The following HIPK2 variants were observed in gnomAD, a reference collection of about 807,000 sequenced individuals.
The protein encoded by HIPK2 is homeodomain interacting protein kinase 2.
Under a neutral mutation model 113.7 loss-of-function variants are expected in HIPK2, and 27 were observed. The observed-to-expected ratio is 0.24, with a 90% confidence interval of 0.17 to 0.33. The LOEUF (loss-of-function observed/expected upper bound fraction) is 0.33, where lower values mean the gene tolerates loss of function less well. HIPK2 is among the 10% of genes least tolerant of loss of function. The pLI, the probability that HIPK2 is intolerant of heterozygous loss-of-function variation, is 1.00. For synonymous variants in HIPK2, 631 were observed against 642.2 expected (o/e 0.98, Z 0.26); for missense variants, 1,257 against 1,588.0 (o/e 0.79, Z 3.54).
At chr7:139,728,863 A>G (rs1305556996) in intron 1 of HIPK2, among the ~76,000 whole-genome samples, 1 of 152,202 alleles carries the variant, frequency 6.6e-6, no homozygotes, top group Admixed American at 6.5e-5. Flanking sequence ...TAAAGGACCT[A>G]TAAGTTCATT....
intron 1 of HIPK2, among the ~76,000 whole-genome samples, chr7:139,741,308 GGTTTCATCTTA>G (rs1315819696): frequency 6.6e-6 from 1 of 151,972 alleles, no homozygotes; most frequent in Non-Finnish European, 1.5e-5. Flanking sequence ...GGAGACACTC[GGTTTCATCTTA>G]GAGTCACTGT....
chr7:139,719,911 G>A (rs139744010), intron 1 of HIPK2, among the ~76,000 whole-genome samples: 63 of 152,020 alleles, frequency 4.1e-4, no homozygotes, highest in African/African-American at 1.5e-3. Context: ...CCTATATTTG[G>A]CTACCAGATT....
chr7:139,736,295 A>G (rs1795935596), intron 1 of HIPK2, among the ~76,000 whole-genome samples: 1 of 152,226 alleles, frequency 6.6e-6, no homozygotes, highest in Non-Finnish European at 1.5e-5. Flanking sequence ...TGACAGGAGA[A>G]TGAAGGGAAG....
intron 2 of HIPK2, among the ~76,000 whole-genome samples, chr7:139,673,944 G>A (rs904919320): frequency 7.1e-6 from 1 of 141,176 alleles, no homozygotes; most frequent in East Asian, 2.3e-4. Flanking sequence ...TGCAGACTAC[G>A]CCTGTAGTCC....
chr7:139,738,069 A>C (rs1447619669), intron 1 of HIPK2, among the ~76,000 whole-genome samples: 1 of 152,380 alleles, frequency 6.6e-6, no homozygotes, highest in African/African-American at 2.4e-5. Flanking sequence ...CACAGGCTCA[A>C]TTCAAGACTT....
At chr7:139,737,392 C>T (rs771014914) in intron 1 of HIPK2, among the ~76,000 whole-genome samples, 87 of 152,234 alleles carry the variant, frequency 5.7e-4, no homozygotes, top group Non-Finnish European at 1.0e-3. Flanking sequence ...AGTCAGTGAC[C>T]CAGGAATCTG....
intron 2 of HIPK2, among the ~76,000 whole-genome samples, chr7:139,680,487 C>A (rs1802661627): frequency 6.6e-6 from 1 of 152,174 alleles, no homozygotes; most frequent in Admixed American, 6.5e-5. Flanking sequence ...TGAGGGGATG[C>A]TGTTTTATGA....
intron 2 of HIPK2, among the ~76,000 whole-genome samples, chr7:139,705,435 G>A (rs570608125): frequency 2.6e-5 from 4 of 151,954 alleles, no homozygotes; most frequent in African/African-American, 9.7e-5. Flanking sequence ...GGAGTGCAGT[G>A]GCGCAATCTC....
Position 139,605,917 on chromosome 7 carries a change from C to G in HIPK2, c.2113-1694G>C, listed in dbSNP as rs568878603. 2.6e-5 allele frequency among the ~76,000 whole-genome samples: 4 copies of G among 152,248 alleles called. No homozygotes were observed. In the East Asian group the frequency reaches 5.8e-4, roughly 22 times the overall value. ...CCAAATATTAAATAAATAACAATTT[C>G]GTTTGCAGTAAGGTTTCTACTGACT... On this transcript the variant is annotated intron_variant, in intron 9 of 14. Transcript: ENST00000406875.
Position 139,581,961 on chromosome 7 carries a change from C to T in HIPK2, c.2965+1856G>A, listed in dbSNP as rs566044703. On this transcript the variant is annotated intron_variant, in intron 13 of 14. Coordinates refer to ENST00000406875, the MANE Select transcript of HIPK2 (RefSeq NM_022740.5). ...AAATATTTAAACTTAAAAATGTGTG[C>T]TGCATATACCCTTAAACAATATTTA... Among the ~76,000 whole-genome samples the T allele has an allele frequency of 9.2e-5, 14 of 152,324 alleles. 1 individual carries two copies. The South Asian group carries it at 2.5e-3, about 27-fold the overall frequency.
At chr7:139,660,771 G>T (rs1054163433) in intron 2 of HIPK2, among the ~76,000 whole-genome samples, 1 of 152,216 alleles carries the variant, frequency 6.6e-6, no homozygotes, top group African/African-American at 2.4e-5. Flanking sequence ...AACAAGGAAA[G>T]AATTATTCCA....
At chr7:139,698,614 T>C (rs1288805966) in intron 2 of HIPK2, among the ~76,000 whole-genome samples, 1 of 152,226 alleles carries the variant, frequency 6.6e-6, no homozygotes, top group East Asian at 1.9e-4. Context: ...ATTTTAAACA[T>C]AATTTATGAA....
intron 2 of HIPK2, among the ~76,000 whole-genome samples, chr7:139,646,591 C>T (rs1801238962): frequency 6.6e-6 from 1 of 151,764 alleles, no homozygotes. Flanking sequence ...GTTTTCTTAT[C>T]CTAACAATGG....
At position 139,626,649 on chromosome 7, in the gene HIPK2, T is replaced by C; in HGVS notation, c.1571A>G (p.His524Arg). 6.2e-7 allele frequency: 1 copy of C among 1,613,986 alleles called. No homozygotes were observed. The highest frequency in any genetic ancestry group is 8.5e-7 in the Non-Finnish European group (1 of 1,179,882). Residue 524 changes from histidine (H) to arginine (R), a missense_variant, in exon 6 of 15, where the codon CAT (histidine) becomes CGT (arginine). This residue lies in a region of HIPK2 where 862 missense variants were observed against 1,004.3 expected (regional missense o/e 0.86). Coordinates refer to ENST00000406875, the MANE Select transcript of HIPK2 (RefSeq NM_022740.5). ...KRITPIETLN[H>R]PFVTMTHLLD... ...TAAGTGTGTCATGGTGACAAAGGGA[T>C]GGTTCAGGGTTTCGATTGGAGTGAT...
chr7:139,727,677 A>C (rs1475085681), intron 1 of HIPK2, among the ~76,000 whole-genome samples: 1 of 152,200 alleles, frequency 6.6e-6, no homozygotes, highest in Non-Finnish European at 1.5e-5. Context: ...CTTTGAATGA[A>C]GCCATCAACC....
rs568599704 is a variant in HIPK2 at position 139,624,850 on chromosome 7, C to T, written c.1619+1751G>A. ...GACTCATCTGTCTTCTCTATGCCTT[C>T]ACCTGGGGAGATGAGTTACACTATA... On this transcript the variant is annotated intron_variant, in intron 6 of 14. Coordinates refer to ENST00000406875, the MANE Select transcript of HIPK2 (RefSeq NM_022740.5). Among the ~76,000 whole-genome samples, 72 of 152,342 alleles carry T rather than the reference C, an allele frequency of 4.7e-4. No individual in the cohort carries two copies. The Middle Eastern group carries it at 0.01, about 22-fold the overall frequency.
chr7:139,717,132 C>T (rs1585415206), intron 1 of HIPK2, 117 bp from the exon 2 acceptor site: 1 of 1,298,062 alleles, frequency 7.7e-7, no homozygotes, highest in Admixed American at 2.9e-5. Context: ...ATTCCTCCCA[C>T]TTGAAAACAA....
chr7:139,776,903 G>C (rs986735827), intron 1 of HIPK2: 4 of 152,140 alleles, frequency 2.6e-5, no homozygotes, highest in African/African-American at 7.2e-5. Context: ...AGTCAAATGG[G>C]GAAAAATACC....
At chr7:139,721,525 A>G (rs1795407970) in intron 1 of HIPK2, among the ~76,000 whole-genome samples, 1 of 152,194 alleles carries the variant, frequency 6.6e-6, no homozygotes, top group Non-Finnish European at 1.5e-5. Flanking sequence ...TTTCCACTTG[A>G]AAGTAAAAGC....
Sources: allele counts gnomAD v4.1 joint callset (sites outside exome capture counted in the v4.1 genomes callset), GRCh38; gene constraint gnomAD v4.1.1; regional missense constraint gnomAD v4.1.1; transcripts MANE v1.5; gene names NCBI Gene and HGNC (gene_info 2026-07-23, HGNC 2026-07-21).